CYREN: variants seen among roughly 807,000 people sequenced by gnomAD.
The protein encoded by CYREN is cell cycle regulator of NHEJ.
Under a neutral mutation model 9.7 loss-of-function variants are expected in CYREN, and 7 were observed. That is an observed-to-expected ratio of 0.72 (90% CI 0.41 to 1.36). The LOEUF is 1.36. Ranked by LOEUF, CYREN falls within the 40% of genes most tolerant of loss-of-function variation. The pLI is 0.01. For synonymous variants in CYREN, 76 were observed against 77.9 expected (o/e 0.98, Z 0.13); for missense variants, 215 against 198.1 (o/e 1.09, Z -0.51).
rs916597802 is a variant in CYREN at position 135,169,094 on chromosome 7, T to C, written c.-138-34A>G. 6 of 617,994 alleles carry C rather than the reference T, an allele frequency of 9.7e-6. No homozygotes were observed. In the African/African-American group the frequency reaches 1.1e-4, roughly 12 times the overall value. The allele number at this position is 617,994 out of a possible 1,614,324, so 38.3% of individuals were successfully genotyped here. On this transcript the variant is annotated intron_variant, in intron 1 of 3. Transcript: ENST00000393114. ...AACAATAAAGTCCGGTGAATTCCCA[T>C]ACCTCCAGTCATCAGGCACAGTTAC...
Position 135,166,779 on chromosome 7 carries a change from T to C in CYREN, c.306A>G (p.Thr102=), listed in dbSNP as rs1259612479. The change falls in exon 4 of 4, where the codon ACA becomes ACG. Residue 102 remains threonine, a synonymous_variant. Transcript: ENST00000393114. ...HSPPCSVSPH[T]SSGSSSEEED... ...CTTCCTCACTGCTGCTCCCAGAACT[T>C]GTGTGAGGCGACACGGAGCAGGGAG... 1.2e-6 allele frequency: 2 copies of C among 1,613,966 alleles called. No individual in the cohort carries two copies. Among genetic ancestry groups the C allele is most frequent in the Non-Finnish European group, 1.7e-6 (2 of 1,180,018 alleles).
intron 2 of CYREN, chr7:135,129,346 TACTAA>T: frequency 3.8e-6 from 4 of 1,065,522 alleles, no homozygotes; most frequent in African/African-American, 3.1e-5. Context: ...TTAATAGACT[TACTAA>T]ATGAATACCT....
chr7:135,123,661 C>A (rs1348355286), intron 2 of CYREN, among the ~76,000 whole-genome samples: 1 of 152,066 alleles, frequency 6.6e-6, no homozygotes, highest in Non-Finnish European at 1.5e-5. Flanking sequence ...AGGTCATCTA[C>A]AAAGGGAAGC....
intron 2 of CYREN, among the ~76,000 whole-genome samples, chr7:135,158,810 C>T (rs970065506): frequency 6.6e-6 from 1 of 152,192 alleles, no homozygotes; most frequent in African/African-American, 2.4e-5. Flanking sequence ...TCTCCCGTCT[C>T]CCTCCTTGAA....
intron 2 of CYREN, among the ~76,000 whole-genome samples, chr7:135,139,451 C>T (rs572155505): frequency 4.7e-5 from 7 of 149,712 alleles, no homozygotes; most frequent in South Asian, 4.2e-4. Context: ...TTGCTTGTTA[C>T]GTTTTTTATA....
chr7:135,104,206 T>C (rs1220959189), intron 2 of CYREN, among the ~76,000 whole-genome samples: 2 of 152,196 alleles, frequency 1.3e-5, no homozygotes, highest in South Asian at 2.1e-4. Flanking sequence ...CTAAGGTTAA[T>C]GGCCTCCACC....
chr7:135,167,853 C>A (rs1302262816), intron 2 of CYREN, 46 bp from the exon 3 acceptor site: 2 of 1,613,188 alleles, frequency 1.2e-6, no homozygotes, highest in Non-Finnish European at 1.7e-6. Context: ...ACTCTCAAGT[C>A]TCATAAGGGC....
At chr7:135,128,874 G>A (rs1828330089) in intron 2 of CYREN, 2 of 1,314,124 alleles carry the variant, frequency 1.5e-6, no homozygotes, top group Non-Finnish European at 2.2e-6. Flanking sequence ...GGAAATCTTG[G>A]ACTTTGATCA....
intron 2 of CYREN, chr7:135,134,861 GA>G: frequency 6.5e-7 from 1 of 1,548,524 alleles, no homozygotes. Context: ...GCTACTTGCA[GA>G]AATATAAAGA....
At chr7:135,150,591 CTGGT>C (rs1829644936) in intron 2 of CYREN, among the ~76,000 whole-genome samples, 3 of 152,148 alleles carry the variant, frequency 2.0e-5, no homozygotes, top group Admixed American at 1.3e-4. Context: ...GAAGAGAGGG[CTGGT>C]GCGGGAAAAC....
In CYREN at chr7:135,168,910, G is replaced by GT. The variant is rs1314905180; in HGVS notation, c.12dup (p.Gln5ThrfsTer5). ...AGGACCCTCGTTTTAGTCTCGGATT[G>GT]TAAGGTTTCCATCTCTGTACCTTCT... On this transcript the variant is annotated frameshift_variant, in exon 2 of 4. Coordinates refer to ENST00000393114, the MANE Select transcript of CYREN (RefSeq NM_024033.4). LOFTEE classifies it high-confidence loss of function. The GT allele has an allele frequency of 6.8e-6, 11 of 1,609,268 alleles. No homozygotes were observed. Among genetic ancestry groups the GT allele is most frequent in the Non-Finnish European group, 9.3e-6 (11 of 1,177,616 alleles).
chr7:135,096,966 G>T (rs1448085476), intron 2 of CYREN, among the ~76,000 whole-genome samples: 1 of 152,124 alleles, frequency 6.6e-6, no homozygotes, highest in Non-Finnish European at 1.5e-5. Context: ...TGAATCTCAG[G>T]AGTCCTGGAA....
exon 3 of CYREN, chr7:135,093,382 G>C (rs775126950): frequency 4.6e-5 from 7 of 152,056 alleles, no homozygotes; most frequent in Non-Finnish European, 1.0e-4. Flanking sequence ...GCAAAAATCA[G>C]TTGTAATGAA....
exon 3 of CYREN, chr7:135,092,980 T>C (rs1011610472): frequency 6.6e-6 from 1 of 151,880 alleles, no homozygotes; most frequent in Non-Finnish European, 1.5e-5. Context: ...CCAACATTCT[T>C]TCATGATTAA....
At chr7:135,099,862 A>G (rs1333031819) in intron 2 of CYREN, 1 of 137,532 alleles carries the variant, frequency 7.3e-6, no homozygotes, top group Non-Finnish European at 1.6e-5. Flanking sequence ...TGCATTTAGC[A>G]TTGTATTGTC....
rs758028176 is a variant in CYREN at position 135,166,826 on chromosome 7, C to T, written c.259G>A (p.Ala87Thr). 2.5e-6 allele frequency: 4 copies of T among 1,614,120 alleles called. No homozygotes were observed. The Admixed American group carries it at 5.0e-5, about 20-fold the overall frequency. ...GGAGGGGAGTGCTCTGGGTTATCAG[C>T]CCCCGCCAGGGCCGGCTGCTCGCAG... ...KACEQPALAG[A>T]DNPEHSPPCS... Residue 87 changes from alanine (A) to threonine (T), a missense_variant, in exon 4 of 4, where the codon GCT becomes ACT. Ala to Thr is a moderately conservative substitution (Grantham distance 58). Transcript: ENST00000393114.
rs141613144 is a variant in CYREN at position 135,117,974 on chromosome 7, T to G, written n.357-23392A>C. ...ATGAAACTGCTGTAGGATGCAAATT[T>G]GAGCTAAGGGAAGTAAAAACTTTCC... On this transcript the variant is annotated intron_variant and non_coding_transcript_variant, in intron 2 of 2. Coordinates refer to the CYREN transcript ENST00000459937. Among the ~76,000 whole-genome samples, 323 of 152,338 alleles carry G rather than the reference T, an allele frequency of 2.1e-3. 4 individuals carry two copies. The highest frequency in any genetic ancestry group is 7.6e-3 in the African/African-American group (317 of 41,572).
At position 135,131,561 on chromosome 7, in the gene CYREN, T is replaced by C. The variant is rs187042431; in HGVS notation, n.357-36979A>G. ...TGAGATATAGCTAAAGCAGTACTGA[T>C]ACAGAAATTTATAGAACTAACTGCA... is the stretch of plus-strand genomic sequence containing the variant. On this transcript the variant is annotated intron_variant and non_coding_transcript_variant, in intron 2 of 2. Coordinates refer to the CYREN transcript ENST00000459937. Among the ~76,000 whole-genome samples the C allele has an allele frequency of 5.3e-5, 8 of 152,092 alleles. No individual in the cohort carries two copies. In the East Asian group the frequency reaches 1.3e-3, roughly 26 times the overall value.
chr7:135,101,244 A>G lies in CYREN; in HGVS notation n.357-6662T>C, dbSNP rs1420424564. 14 of 456,082 alleles carry G rather than the reference A, an allele frequency of 3.1e-5. No homozygotes were observed. The East Asian group carries it at 3.5e-4, about 11-fold the overall frequency. 28.3% of individuals were successfully genotyped at this position (456,082 alleles called of 1,614,324 possible). The stretch of plus-strand genomic sequence containing the variant: ...GTCTCCTATGGGCAAACAAACTTCT[A>G]CTTGGACTGAGAAGACAAGGATACC... On this transcript the variant is annotated intron_variant and non_coding_transcript_variant, in intron 2 of 2. Transcript: ENST00000459937.
Sources: allele counts gnomAD v4.1 joint callset (sites outside exome capture counted in the v4.1 genomes callset), GRCh38; gene constraint gnomAD v4.1.1; transcripts MANE v1.5; gene names NCBI Gene and HGNC (gene_info 2026-07-23, HGNC 2026-07-21).